The following NVL variants were observed in gnomAD, a reference collection of about 807,000 sequenced individuals.
NVL encodes nuclear valosin-containing protein-like.
Under a neutral mutation model 110.2 loss-of-function variants are expected in NVL, and 84 were observed. That is an observed-to-expected ratio of 0.76 (90% CI 0.64 to 0.91). The LOEUF (loss-of-function observed/expected upper bound fraction) is 0.91. NVL is among the 40% of genes least tolerant of loss of function. The pLI is 0.00. For missense variants in NVL, 882 were observed against 1,035.9 expected (o/e 0.85, Z 2.04); for synonymous variants, 354 against 361.1 (o/e 0.98, Z 0.22).
chr1:224,236,495 TA>T lies in NVL; in HGVS notation c.2366+10del. 1 of 1,608,316 alleles carries T rather than the reference TA, an allele frequency of 6.2e-7. No individual in the cohort carries two copies. Among genetic ancestry groups the T allele is most frequent in the Non-Finnish European group, 8.5e-7 (1 of 1,174,764 alleles). ...CCAGAGAGTGAATTGACTTAAGATT[TA>T]AACACTTACGTATAGCAATCACAGC... is the stretch of plus-strand genomic sequence containing the variant. On this transcript the variant is annotated intron_variant, in intron 20 of 22. Coordinates refer to ENST00000281701, the MANE Select transcript of NVL (RefSeq NM_002533.4).
intron 8 of NVL, among the ~76,000 whole-genome samples, chr1:224,304,115 A>T (rs1299989096): frequency 6.6e-6 from 1 of 152,200 alleles, no homozygotes; most frequent in Non-Finnish European, 1.5e-5. Flanking sequence ...GATGAAAAAG[A>T]GTAGGCATTA....
chr1:224,236,670 G>A (rs1010186808), intron 19 of NVL, 88 bp from the exon 20 acceptor site: 1 of 1,062,452 alleles, frequency 9.4e-7, no homozygotes. Flanking sequence ...CAGCACTTTG[G>A]GAGGCCAAGG....
intron 17 of NVL, among the ~76,000 whole-genome samples, chr1:224,272,154 G>A (rs376946934): frequency 2.0e-5 from 3 of 150,858 alleles, no homozygotes. Context: ...TGGCCAACAT[G>A]GTGAAACCCT....
rs541634784 is a variant in NVL at position 224,231,752 on chromosome 1, C to T, written c.2456-456G>A. Among the ~76,000 whole-genome samples, 19 of 152,142 alleles carry T rather than the reference C, an allele frequency of 1.2e-4. No individual in the cohort carries two copies. The South Asian group carries it at 2.1e-3, about 17-fold the overall frequency. On this transcript the variant is annotated intron_variant, in intron 21 of 22. Transcript: ENST00000281701. ...GTTTAGAAGGGAGCTTTAGGTCGGG[C>T]GCGGTGGCTCAGGCTTGTAATCCCA...
At chr1:224,321,535 G>A (rs1670641866) in intron 2 of NVL, among the ~76,000 whole-genome samples, 1 of 152,050 alleles carries the variant, frequency 6.6e-6, no homozygotes, top group African/African-American at 2.4e-5. Flanking sequence ...TGGCCAACAT[G>A]GCGAAACCAC....
intron 16 of NVL, among the ~76,000 whole-genome samples, 154 bp downstream of exon 16, chr1:224,280,969 A>G (rs1383376147): frequency 6.6e-6 from 1 of 152,216 alleles, no homozygotes; most frequent in Non-Finnish European, 1.5e-5. Flanking sequence ...AAAGTGGCAG[A>G]GCAGAGCAAA....
At chr1:224,305,001 T>C in intron 7 of NVL, 33 bp downstream of exon 7, 1 of 1,608,482 alleles carries the variant, frequency 6.2e-7, no homozygotes. Flanking sequence ...ACTGCAAACA[T>C]GACCACTGCC....
intron 2 of NVL, among the ~76,000 whole-genome samples, chr1:224,324,524 G>A (rs2102798547): frequency 6.6e-6 from 1 of 152,302 alleles, no homozygotes; most frequent in African/African-American, 2.4e-5. Flanking sequence ...GAACTCCTGG[G>A]CTCAAGCGAT....
chr1:224,317,647 A>G (rs2102767487), intron 4 of NVL, 47 bp downstream of exon 4: 1 of 1,117,516 alleles, frequency 8.9e-7, no homozygotes, highest in Non-Finnish European at 1.4e-6. Flanking sequence ...GGAATGTAAC[A>G]TGATAAAGTT....
At chr1:224,294,704 T>C (rs959247723) in intron 11 of NVL, among the ~76,000 whole-genome samples, 5 of 151,988 alleles carry the variant, frequency 3.3e-5, no homozygotes, top group African/African-American at 1.2e-4. Flanking sequence ...CAAAGCACCA[T>C]GGTAATAAGA....
intron 18 of NVL, 118 bp downstream of exon 18, chr1:224,267,916 A>G: frequency 1.4e-6 from 1 of 708,486 alleles, no homozygotes. Flanking sequence ...ATGCATGTGA[A>G]TTATATTGTT....
At chr1:224,242,860 C>T (rs1414263749) in intron 19 of NVL, among the ~76,000 whole-genome samples, 9 of 145,394 alleles carry the variant, frequency 6.2e-5, no homozygotes, top group Non-Finnish European at 1.0e-4. Flanking sequence ...GAGTTTCGTC[C>T]TGTTGCCCAG....
At chr1:224,251,119 C>T (rs1287129714) in intron 18 of NVL, among the ~76,000 whole-genome samples, 3 of 150,616 alleles carry the variant, frequency 2.0e-5, no homozygotes, top group African/African-American at 7.3e-5. Flanking sequence ...GCTAAAAATA[C>T]AAAAATTAGC....
At chr1:224,327,062 A>G (rs953559998) in intron 1 of NVL, among the ~76,000 whole-genome samples, 6 of 152,078 alleles carry the variant, frequency 3.9e-5, no homozygotes, top group African/African-American at 1.4e-4. Context: ...AGATCGCTTA[A>G]GCCCAGACTT....
At chr1:224,265,025 G>A (rs757656125) in intron 18 of NVL, among the ~76,000 whole-genome samples, 6 of 152,142 alleles carry the variant, frequency 3.9e-5, no homozygotes, top group African/African-American at 7.2e-5. Flanking sequence ...GATTACAGGT[G>A]TGAGCCACCG....
Position 224,317,858 on chromosome 1 carries a change from G to A in NVL, c.184+20C>T. On this transcript the variant is annotated intron_variant, in intron 3 of 22. Transcript: ENST00000281701. The stretch of plus-strand genomic sequence containing the variant: ...TTTGTATAACTTTATTGATAATTTA[G>A]CTCTAACAATAAGACTCACCTTTTT... 7.0e-7 allele frequency: 1 copy of A among 1,423,872 alleles called. No homozygotes were observed. The highest frequency in any genetic ancestry group is 9.3e-7 in the Non-Finnish European group (1 of 1,076,796). The allele number at this position is 1,423,872 out of a possible 1,614,324, so 88.2% of individuals were successfully genotyped here. A position where few individuals can be genotyped will look rare whatever the true frequency, so the allele number is the denominator to read the frequency against.
At chr1:224,227,731 GC>G in intron 22 of NVL, 61 bp from the exon 23 acceptor site, 1 of 1,532,742 alleles carries the variant, frequency 6.5e-7, no homozygotes, top group South Asian at 1.2e-5. Context: ...GCTGAATGGT[GC>G]CCCCCAAAAT....
intron 21 of NVL, 121 bp downstream of exon 21, chr1:224,233,080 T>C (rs1318156669): frequency 2.7e-6 from 2 of 750,586 alleles, no homozygotes; most frequent in East Asian, 2.6e-5. Context: ...CTAACAGTCT[T>C]ATTAGAAAAA....
chr1:224,261,077 T>C (rs1663925633), intron 18 of NVL, among the ~76,000 whole-genome samples: 1 of 152,116 alleles, frequency 6.6e-6, no homozygotes, highest in Non-Finnish European at 1.5e-5. Context: ...GGTTTCACCA[T>C]GTTGGCCAGG....
Sources: gnomAD v4.1 joint callset for allele counts (sites outside exome capture counted in the v4.1 genomes callset) on GRCh38, gnomAD v4.1.1 for gene constraint, MANE v1.5 for transcripts, NCBI Gene and HGNC (gene_info 2026-07-23, HGNC 2026-07-21) for gene names.